FBN1: variants seen among roughly 807,000 people sequenced by gnomAD.
FBN1 encodes the protein fibrillin-1.
Under a neutral mutation model 365.1 loss-of-function variants are expected in FBN1, and 29 were observed. The ratio of observed to expected loss-of-function variants is 0.08; its 90% confidence interval spans 0.06 to 0.11. The LOEUF (loss-of-function observed/expected upper bound fraction) is 0.11. Among genes scored for constraint, FBN1 ranks in the 10% least tolerant of loss-of-function variants. The pLI is 1.00. For synonymous variants in FBN1, 1,210 were observed against 1,270.5 expected, an observed-to-expected ratio of 0.95 and a Z score of 1.01; for missense variants, 2,476 against 3,703.2, an observed-to-expected ratio of 0.67 and a Z score of 8.60.
At chr15:48,615,430 C>T (rs1889633307) in intron 2 of FBN1, among the ~76,000 whole-genome samples, 1 of 151,894 alleles carries the variant, frequency 6.6e-6, no homozygotes, top group African/African-American at 2.4e-5. Context: ...TCCTACAAAG[C>T]AAAATATTCT....
At chr15:48,503,059 G>A (rs1263529396) in intron 17 of FBN1, among the ~76,000 whole-genome samples, 2 of 152,136 alleles carry the variant, frequency 1.3e-5, no homozygotes, top group East Asian at 3.9e-4. Context: ...CAGCACTTTG[G>A]GAGGCCGAGG....
intron 24 of FBN1, among the ~76,000 whole-genome samples, chr15:48,490,395 A>C (rs2043548255): frequency 1.3e-5 from 2 of 152,194 alleles, no homozygotes; most frequent in Non-Finnish European, 2.9e-5. Flanking sequence ...TCTCCTGTAC[A>C]GAAATACCTA....
chr15:48,636,506 C>T (rs1440678361), intron 2 of FBN1, among the ~76,000 whole-genome samples: 3 of 152,156 alleles, frequency 2.0e-5, no homozygotes, highest in African/African-American at 4.8e-5. Context: ...GGCCTAGTCG[C>T]TGCATCTGGG....
rs549799066 is a variant in FBN1 at position 48,488,593 on chromosome 15, G to A, written c.3083-100C>T. 4 of 1,381,538 alleles carry A rather than the reference G, an allele frequency of 2.9e-6. No individual in the cohort carries two copies. The South Asian group carries it at 3.7e-5, about 13-fold the overall frequency. 85.6% of individuals were successfully genotyped at this position (1,381,538 alleles called of 1,614,324 possible). ...TAAATCATGAAGGTTGGAAGTTCTT[G>A]ATTTAAGGTCTTGGCAGTATACATT... On this transcript the variant is annotated intron_variant, in intron 25 of 65. Coordinates refer to ENST00000316623, the MANE Select transcript of FBN1 (RefSeq NM_000138.5).
chr15:48,428,653 T>A (rs1208810770), intron 56 of FBN1, among the ~76,000 whole-genome samples, 182 bp from the exon 57 acceptor site: 1 of 151,836 alleles, frequency 6.6e-6, no homozygotes. Context: ...TCTTTCCTTC[T>A]TAACTTAGCT....
chr15:48,411,687 C>T lies in FBN1; in HGVS notation c.8227-308G>A, dbSNP rs566230360. Among the ~76,000 whole-genome samples the T allele has an allele frequency of 3.3e-5, 5 of 152,354 alleles. No homozygotes were observed. The South Asian group carries it at 6.2e-4, about 19-fold the overall frequency. ...GGAATCTGTTAGAAATGCAAATTCT[C>T]GGCATCACCCCAGAACTACTGAATC... On this transcript the variant is annotated intron_variant, in intron 65 of 65. Coordinates refer to ENST00000316623, the MANE Select transcript of FBN1 (RefSeq NM_000138.5).
chr15:48,594,060 T>C (rs936792149), intron 6 of FBN1, among the ~76,000 whole-genome samples: 10 of 152,186 alleles, frequency 6.6e-5, no homozygotes, highest in African/African-American at 2.4e-4. Flanking sequence ...TTTTTATTCA[T>C]CACTCTTGAA....
In FBN1 at chr15:48,487,150, C is replaced by T. The variant is rs200125037; in HGVS notation, c.3514G>A (p.Val1172Met). ...SAHLCPNGRC[V>M]NLIGKYQCAC... ...CACTGATACTTCCCTATGAGGTTCACGCAACGGCCATTGGGGCACAGGTGT... is the reference window on the plus strand; with the variant it reads ...CACTGATACTTCCCTATGAGGTTCATGCAACGGCCATTGGGGCACAGGTGT... The change falls in exon 29 of 66, where the codon GTG becomes ATG. Residue 1172 changes from valine to methionine, a missense_variant. By Grantham distance (21) the Val-to-Met change is conservative (BLOSUM62 1). Around this residue, in one of 5 missense-constraint regions of FBN1, gnomAD observed 1,780 missense variants for 2,840.8 expected, o/e 0.63. Transcript: ENST00000316623. 64 of 1,614,134 alleles carry T rather than the reference C, an allele frequency of 4.0e-5. No individual in the cohort carries two copies. In the African/African-American group the frequency reaches 7.1e-4, roughly 18 times the overall value.
At chr15:48,471,720 A>T (rs1374147008) in intron 35 of FBN1, among the ~76,000 whole-genome samples, 1 of 152,270 alleles carries the variant, frequency 6.6e-6, no homozygotes, top group East Asian at 1.9e-4. Flanking sequence ...ACAAGGAACA[A>T]CTATTAACTA....
At chr15:48,584,610 C>T (rs187860158) in intron 6 of FBN1, among the ~76,000 whole-genome samples, 4 of 152,272 alleles carry the variant, frequency 2.6e-5, no homozygotes, top group African/African-American at 9.6e-5. Flanking sequence ...CTTCTAGGCA[C>T]TGCCTTTTGT....
chr15:48,522,252 T>C (rs1047595797), intron 9 of FBN1, among the ~76,000 whole-genome samples: 1 of 152,172 alleles, frequency 6.6e-6, no homozygotes, highest in Admixed American at 6.5e-5. Context: ...TACAATTTAA[T>C]ATGTAATATT....
intron 2 of FBN1, among the ~76,000 whole-genome samples, chr15:48,618,510 T>C (rs1889702571): frequency 6.6e-6 from 1 of 152,212 alleles, no homozygotes; most frequent in African/African-American, 2.4e-5. Flanking sequence ...ATACCTCATG[T>C]GACTGTTACA....
chr15:48,499,797 A>C (rs946522974), intron 17 of FBN1, among the ~76,000 whole-genome samples: 2 of 152,208 alleles, frequency 1.3e-5, no homozygotes, highest in African/African-American at 4.8e-5. Context: ...CACACTATCC[A>C]AGGAAAGGAA....
At chr15:48,608,730 C>A (rs982785160) in intron 4 of FBN1, among the ~76,000 whole-genome samples, 1 of 152,096 alleles carries the variant, frequency 6.6e-6, no homozygotes, top group African/African-American at 2.4e-5. Context: ...CAGAAAGCAC[C>A]ACCCACAGTC....
chr15:48,587,367 A>AT (rs771938868), intron 6 of FBN1, among the ~76,000 whole-genome samples: 17 of 152,356 alleles, frequency 1.1e-4, no homozygotes, highest in African/African-American at 3.8e-4. Context: ...ACAAAGGGGC[A>AT]TTTTTTAATC....
chr15:48,636,559 A>G (rs1890096126), intron 2 of FBN1, among the ~76,000 whole-genome samples: 1 of 152,166 alleles, frequency 6.6e-6, no homozygotes, highest in Admixed American at 6.5e-5. Context: ...CAATGGCTCC[A>G]TCCCGGGGGC....
rs924250206 is a variant in FBN1 at position 48,532,472 on chromosome 15, GTA to G, written c.862+1606_862+1607del. 1.3e-3 allele frequency among the ~76,000 whole-genome samples: 196 copies of G among 149,168 alleles called. 1 individual carries two copies. The highest frequency in any genetic ancestry group is 4.3e-3 in the African/African-American group (174 of 40,658). ...TGTCTATATAAAGATATGTGTGTGT[GTA>G]TATGTGTGTGTGTGTGTATATATAT... On this transcript the variant is annotated intron_variant, in intron 8 of 65. Coordinates refer to ENST00000316623, the MANE Select transcript of FBN1 (RefSeq NM_000138.5).
intron 38 of FBN1, 124 bp downstream of exon 38, chr15:48,467,814 T>A (rs2043334906): frequency 1.1e-6 from 1 of 920,190 alleles, no homozygotes; most frequent in Admixed American, 1.8e-5. Context: ...TAAGGTCCCC[T>A]CTACAGGGCT....
At chr15:48,466,436 C>T (rs931036593) in intron 38 of FBN1, among the ~76,000 whole-genome samples, 1 of 152,138 alleles carries the variant, frequency 6.6e-6, no homozygotes, top group Non-Finnish European at 1.5e-5. Flanking sequence ...CCTTGGGTTT[C>T]CCCCATTAAT....
Sources: gnomAD v4.1 joint callset for allele counts (sites outside exome capture counted in the v4.1 genomes callset) on GRCh38, gnomAD v4.1.1 for gene constraint, gnomAD v4.1.1 regional missense constraint, MANE v1.5 for transcripts, NCBI Gene and HGNC (gene_info 2026-07-23, HGNC 2026-07-21) for gene names.